PBX3: variants seen among roughly 807,000 people sequenced by gnomAD.
The protein encoded by PBX3 is pre-B-cell leukemia transcription factor 3.
PBX3 carries 14 observed loss-of-function variants against 48.5 expected under a neutral mutation model. The observed-to-expected ratio is 0.29, with a 90% CI of 0.19 to 0.45. PBX3 has a LOEUF of 0.45. Among genes scored for constraint, PBX3 ranks in the 20% least tolerant of loss-of-function variants. The probability of loss-of-function intolerance (pLI) is 1.00; values close to 1 mark genes in which losing one functional copy is unlikely to be tolerated. For synonymous variants in PBX3, 210 were observed against 200.3 expected (o/e 1.05, Z -0.41); for missense variants, 386 against 546.7 (o/e 0.71, Z 2.93).
At chr9:125,751,127 C>T (rs1836363879) in intron 2 of PBX3, among the ~76,000 whole-genome samples, 1 of 152,090 alleles carries the variant, frequency 6.6e-6, no homozygotes, top group South Asian at 2.1e-4. Context: ...TTTATTTAAT[C>T]TAATAATACC....
intron 2 of PBX3, among the ~76,000 whole-genome samples, chr9:125,767,546 A>G (rs1410653051): frequency 1.3e-5 from 2 of 152,190 alleles, no homozygotes; most frequent in Admixed American, 1.3e-4. Flanking sequence ...GTAGTTTCCT[A>G]TGTGAAAGTG....
chr9:125,883,873 G>T (rs565073437), intron 2 of PBX3, among the ~76,000 whole-genome samples: 11 of 152,146 alleles, frequency 7.2e-5, no homozygotes, highest in Non-Finnish European at 7.3e-5. Flanking sequence ...AAGGACTGTC[G>T]AGTTTCTGAG....
intron 5 of PBX3, among the ~76,000 whole-genome samples, chr9:125,958,722 A>G (rs1288078958): frequency 6.6e-6 from 1 of 152,234 alleles, no homozygotes; most frequent in African/African-American, 2.4e-5. Context: ...AAGTTGTGGC[A>G]GAACATTTAT....
At chr9:125,930,337 T>C (rs1438259679) in intron 4 of PBX3, among the ~76,000 whole-genome samples, 1 of 152,246 alleles carries the variant, frequency 6.6e-6, no homozygotes, top group Non-Finnish European at 1.5e-5. Flanking sequence ...CCTACCATTT[T>C]TCCTGTAAGG....
chr9:125,784,305 T>A (rs540512606), intron 2 of PBX3, among the ~76,000 whole-genome samples: 103 of 152,224 alleles, frequency 6.8e-4, no homozygotes, highest in African/African-American at 2.5e-3. Flanking sequence ...ATTTTTGTAT[T>A]TTTAGTACAG....
chr9:125,849,398 C>CA (rs1839516672), intron 2 of PBX3, among the ~76,000 whole-genome samples: 2 of 151,422 alleles, frequency 1.3e-5, no homozygotes, highest in African/African-American at 4.8e-5. Flanking sequence ...ATGTAGGAGT[C>CA]AGTTTGTTAG....
intron 2 of PBX3, among the ~76,000 whole-genome samples, chr9:125,900,261 A>G (rs536083399): frequency 7.9e-4 from 103 of 130,668 alleles, no homozygotes; most frequent in Middle Eastern, 3.9e-3. Context: ...TTAACACTTT[A>G]CCATTTTTGC....
chr9:125,755,444 A>G (rs1836488436), intron 2 of PBX3, among the ~76,000 whole-genome samples: 1 of 152,096 alleles, frequency 6.6e-6, no homozygotes, highest in Non-Finnish European at 1.5e-5. Context: ...AAATAAATTG[A>G]ACAGTTTTGC....
intron 2 of PBX3, among the ~76,000 whole-genome samples, chr9:125,790,617 G>A (rs1032560408): frequency 6.6e-6 from 1 of 152,020 alleles, no homozygotes; most frequent in Non-Finnish European, 1.5e-5. Context: ...CACCCAGGCT[G>A]GAGTGCAGTG....
chr9:125,860,558 A>G (rs1247891659), intron 2 of PBX3, among the ~76,000 whole-genome samples: 1 of 152,174 alleles, frequency 6.6e-6, no homozygotes, highest in Non-Finnish European at 1.5e-5. Flanking sequence ...CCAGTGAATA[A>G]AGATTATTGT....
At chr9:125,768,162 T>C (rs928808401) in intron 2 of PBX3, among the ~76,000 whole-genome samples, 3 of 152,152 alleles carry the variant, frequency 2.0e-5, no homozygotes, top group Admixed American at 1.3e-4. Context: ...TTGGTAACTG[T>C]TTTGTTATTT....
chr9:125,748,396 CTAGT>C (rs1836267826), intron 1 of PBX3, 150 bp from the exon 2 acceptor site: 1 of 1,397,642 alleles, frequency 7.2e-7, no homozygotes. Flanking sequence ...CTGTCGGGAA[CTAGT>C]CAACTGGAGT....
At chr9:125,782,133 T>C (rs1235693990) in intron 2 of PBX3, among the ~76,000 whole-genome samples, 2 of 152,172 alleles carry the variant, frequency 1.3e-5, no homozygotes, top group African/African-American at 4.8e-5. Flanking sequence ...ATTTACAAAA[T>C]AAAGAGGTTT....
At position 125,785,979 on chromosome 9, in the gene PBX3, C is replaced by T. The variant is rs540141957; in HGVS notation, c.274+37356C>T. ...TTTAAGTTCAGTGTTTACATGGTTGCTGTAAACCTTTGACTATTTTCTAGC... is the reference window on the plus strand; with the variant it reads ...TTTAAGTTCAGTGTTTACATGGTTGTTGTAAACCTTTGACTATTTTCTAGC... On this transcript the variant is annotated intron_variant, in intron 2 of 8. Transcript: ENST00000373489. Among the ~76,000 whole-genome samples, 13 of 148,114 alleles carry T rather than the reference C, an allele frequency of 8.8e-5. No homozygotes were observed. In the South Asian group the frequency reaches 3.1e-3, roughly 35 times the overall value.
At chr9:125,934,552 A>T (rs1841792743) in intron 4 of PBX3, among the ~76,000 whole-genome samples, 1 of 152,208 alleles carries the variant, frequency 6.6e-6, no homozygotes, top group African/African-American at 2.4e-5. Flanking sequence ...TTGTTAATAA[A>T]TGCTTGATCT....
At chr9:125,932,476 C>T (rs1054930080) in intron 4 of PBX3, among the ~76,000 whole-genome samples, 20 of 152,188 alleles carry the variant, frequency 1.3e-4, no homozygotes, top group African/African-American at 4.8e-4. Context: ...CCCCACAATT[C>T]TAGCAAATGA....
chr9:125,883,833 A>C (rs531367821), intron 2 of PBX3, among the ~76,000 whole-genome samples: 2 of 152,220 alleles, frequency 1.3e-5, no homozygotes, highest in Admixed American at 1.3e-4. Flanking sequence ...TCCACAGGAA[A>C]ACATGCTTTG....
chr9:125,826,218 A>G (rs1250252985), intron 2 of PBX3, among the ~76,000 whole-genome samples: 13 of 152,146 alleles, frequency 8.5e-5, no homozygotes, highest in Admixed American at 7.2e-4. Context: ...AACATTTTTC[A>G]TGGCTCAATT....
At chr9:125,945,212 A>G (rs1017494070) in intron 5 of PBX3, among the ~76,000 whole-genome samples, 13 of 141,138 alleles carry the variant, frequency 9.2e-5, no homozygotes, top group Non-Finnish European at 1.5e-4. Flanking sequence ...CAGAAGAGTG[A>G]GGCTCTGTCT....
Sources: gnomAD v4.1 joint callset for allele counts (sites outside exome capture counted in the v4.1 genomes callset) on GRCh38, gnomAD v4.1.1 for gene constraint, MANE v1.5 for transcripts, NCBI Gene and HGNC (gene_info 2026-07-23, HGNC 2026-07-21) for gene names.